EIF2AK1: variants seen among roughly 807,000 people sequenced by gnomAD.
The protein encoded by EIF2AK1 is eukaryotic translation initiation factor 2 alpha kinase 1.
A neutral mutation model predicts 77.9 loss-of-function variants in EIF2AK1; 54 were observed. The observed-to-expected ratio is 0.69, with a 90% CI of 0.56 to 0.87. EIF2AK1 has a LOEUF of 0.87. Among genes scored for constraint, EIF2AK1 ranks in the 40% least tolerant of loss-of-function variants. EIF2AK1 has a pLI of 0.00. For synonymous variants in EIF2AK1, 314 were observed against 290.5 expected (o/e 1.08, Z -0.82); for missense variants, 810 against 768.6 (o/e 1.05, Z -0.64).
chr7:6,038,521 T>C, intron 10 of EIF2AK1, 39 bp downstream of exon 10: 1 of 1,519,396 alleles, frequency 6.6e-7, no homozygotes, highest in Admixed American at 1.8e-5. Context: ...GGTGTGACTG[T>C]GTCTATTTCC....
intron 14 of EIF2AK1, 38 bp from the exon 15 acceptor site, chr7:6,024,839 C>CTTT (rs372712239): frequency 4.8e-4 from 532 of 1,111,114 alleles, no homozygotes; most frequent in South Asian, 5.0e-4. Flanking sequence ...ATTAAAATAA[C>CTTT]TTTTTTTTTT....
At chr7:6,038,778 CT>C in intron 9 of EIF2AK1, 107 bp from the exon 10 acceptor site, 1 of 877,644 alleles carries the variant, frequency 1.1e-6, no homozygotes, top group East Asian at 3.0e-5. Flanking sequence ...GAGTAGGCCT[CT>C]AGGGAAGTCA....
At chr7:6,034,661 G>A (rs1035720621) in intron 11 of EIF2AK1, among the ~76,000 whole-genome samples, 11 of 152,158 alleles carry the variant, frequency 7.2e-5, no homozygotes, top group African/African-American at 2.4e-4. Context: ...ATAGCCTAGG[G>A]CCTCACGCTA....
At chr7:6,057,590 G>C (rs892502723) in intron 1 of EIF2AK1, 2 of 137,200 alleles carry the variant, frequency 1.5e-5, no homozygotes, top group African/African-American at 5.3e-5. Flanking sequence ...AATTCCTGAA[G>C]CATTCCATAA....
At chr7:6,038,818 G>A in intron 9 of EIF2AK1, 147 bp from the exon 10 acceptor site, 1 of 559,208 alleles carries the variant, frequency 1.8e-6, no homozygotes, top group South Asian at 2.8e-5. Context: ...CTCTTTGCAA[G>A]ACAGAAGTGT....
intron 1 of EIF2AK1, among the ~76,000 whole-genome samples, chr7:6,055,364 G>A (rs202113023): frequency 7.5e-4 from 64 of 85,342 alleles, no homozygotes; most frequent in South Asian, 2.3e-3. Context: ...AAAAAAAAAA[G>A]AAGTTGGGCA....
chr7:6,059,040 C>A lies in EIF2AK1; in HGVS notation c.44G>T (p.Gly15Val), dbSNP rs745844458. ...NSGVRKREEE[G>V]DGAGAVAAPP... The stretch of plus-strand genomic sequence containing the variant: ...CGCAGCCACAGCCCCAGCCCCGTCG[C>A]CCTCCTCTTCGCGCTTGCGGACCCC... Residue 15 changes from glycine to valine, a missense_variant, in exon 1 of 15, where the codon GGC becomes GTC. By Grantham distance (109) the Gly-to-Val change is moderately radical. Around this residue, in one of 3 missense-constraint regions of EIF2AK1, gnomAD observed 246 missense variants for 199.0 expected, o/e 1.24. Coordinates refer to ENST00000199389, the MANE Select transcript of EIF2AK1 (RefSeq NM_014413.4). The A allele has an allele frequency of 7.9e-6, 12 of 1,512,080 alleles. No individual in the cohort carries two copies. Among genetic ancestry groups the A allele is most frequent in the Admixed American group, 6.7e-5 (3 of 44,784 alleles). 93.7% of individuals were successfully genotyped at this position (1,512,080 alleles called of 1,614,324 possible). A position where few individuals can be genotyped will look rare whatever the true frequency, so the allele number is the denominator to read the frequency against.
intron 9 of EIF2AK1, among the ~76,000 whole-genome samples, chr7:6,040,574 A>T (rs1788266903): frequency 6.6e-6 from 1 of 152,194 alleles, no homozygotes; most frequent in South Asian, 2.1e-4. Context: ...CGTTTTGCAT[A>T]AATATATCTT....
chr7:6,032,931 A>C lies in EIF2AK1; in HGVS notation c.1333-3899T>G, dbSNP rs1787959211. 6.5e-7 allele frequency: 1 copy of C among 1,549,858 alleles called. No individual in the cohort carries two copies. ...TGTTACGGCACGGTGCTGACCCAGA[A>C]GTCAGGTAAGTTAACTCCACCGAAA... On this transcript the variant is annotated intron_variant, in intron 11 of 14. Transcript: ENST00000199389. This position sits in a 1 kb window ranked among gnomAD's most constrained non-coding sequence, Gnocchi z 4.3.
chr7:6,030,952 A>C (rs1787892313), intron 11 of EIF2AK1, among the ~76,000 whole-genome samples: 1 of 152,216 alleles, frequency 6.6e-6, no homozygotes, highest in Admixed American at 6.5e-5. Flanking sequence ...TGAACCCATA[A>C]TGGGGAGAGG....
intron 4 of EIF2AK1, chr7:6,048,073 A>G (rs1788496675): frequency 6.6e-6 from 1 of 152,206 alleles, no homozygotes; most frequent in South Asian, 2.1e-4. Flanking sequence ...ATTTTAATGT[A>G]GAGTGCTTTA....
chr7:6,032,822 T>C lies in EIF2AK1; in HGVS notation c.1333-3790A>G, dbSNP rs1787954919. ...TACACAGGGCCACTTGTAATGTGTTTTGTTTTCCCTCCAAAGCCGACAGAG... is the reference window on the plus strand; with the variant it reads ...TACACAGGGCCACTTGTAATGTGTTCTGTTTTCCCTCCAAAGCCGACAGAG... On this transcript the variant is annotated intron_variant, in intron 11 of 14. Coordinates refer to ENST00000199389, the MANE Select transcript of EIF2AK1 (RefSeq NM_014413.4). The surrounding 1 kb of genome is among the most constrained non-coding windows in gnomAD (Gnocchi z 4.3). 1.3e-6 allele frequency: 2 copies of C among 1,545,512 alleles called. No individual in the cohort carries two copies. Among genetic ancestry groups the C allele is most frequent in the Admixed American group, 3.9e-5 (2 of 50,944 alleles).
intron 10 of EIF2AK1, among the ~76,000 whole-genome samples, chr7:6,037,964 G>C (rs973515599): frequency 2.0e-5 from 3 of 151,994 alleles, no homozygotes; most frequent in African/African-American, 7.3e-5. Context: ...TAAGAAAAAA[G>C]ATAAAATATG....
intron 14 of EIF2AK1, 132 bp downstream of exon 14, chr7:6,026,596 G>A (rs913918412): frequency 1.2e-5 from 9 of 757,356 alleles, no homozygotes; most frequent in Admixed American, 8.0e-5. Context: ...GAACAAACAG[G>A]CCCCGCCTCC....
intron 9 of EIF2AK1, 69 bp from the exon 10 acceptor site, chr7:6,038,740 A>C: frequency 7.3e-7 from 1 of 1,363,844 alleles, no homozygotes; most frequent in Non-Finnish European, 1.0e-6. Context: ...TAGCCAACAA[A>C]TATTAATCTG....
chr7:6,029,327 C>T lies in EIF2AK1; in HGVS notation c.1333-295G>A, dbSNP rs576392102. 1.5e-4 allele frequency among the ~76,000 whole-genome samples: 23 copies of T among 151,866 alleles called. No homozygotes were observed. The South Asian group carries it at 4.8e-3, about 32-fold the overall frequency. ...CAAGCATGGCCAACATGGTGAAAAA[C>T]CGTCTCTAAAAAATACAAAATTAGG... On this transcript the variant is annotated intron_variant, in intron 11 of 14. Coordinates refer to ENST00000199389, the MANE Select transcript of EIF2AK1 (RefSeq NM_014413.4).
chr7:6,024,830 T>C, intron 14 of EIF2AK1, 29 bp from the exon 15 acceptor site: 4 of 1,427,522 alleles, frequency 2.8e-6, no homozygotes, highest in Non-Finnish European at 3.7e-6. Context: ...TTAAACTCCA[T>C]TAAAATAACT....
In EIF2AK1 at chr7:6,022,824, A is replaced by G. The variant is rs570724093; in HGVS notation, c.*1849T>C. 1 of 156,174 alleles carries G rather than the reference A, an allele frequency of 6.4e-6. No individual in the cohort carries two copies. The highest frequency in any genetic ancestry group is 2.4e-5 in the African/African-American group (1 of 41,476). 9.7% of individuals were successfully genotyped at this position (156,174 alleles called of 1,614,324 possible). The stretch of plus-strand genomic sequence containing the variant: ...ACTGAAGTTATCTTCTCATATGGCC[A>G]TATAAAGATAGGATGTTATGTATTG... On this transcript the variant is annotated 3_prime_UTR_variant, in exon 15 of 15. Transcript: ENST00000199389.
intron 11 of EIF2AK1, chr7:6,031,397 G>C: frequency 6.4e-7 from 1 of 1,550,742 alleles, no homozygotes; most frequent in Non-Finnish European, 8.7e-7. Context: ...AACCAGGAAA[G>C]GAAGCAGAGA....
Sources: allele counts gnomAD v4.1 joint callset (sites outside exome capture counted in the v4.1 genomes callset), GRCh38; gene constraint gnomAD v4.1.1; regional missense constraint gnomAD v4.1.1; non-coding constraint Gnocchi (gnomAD v3.1); transcripts MANE v1.5; gene names NCBI Gene and HGNC (gene_info 2026-07-23, HGNC 2026-07-21).